The following PTPRD variants were observed in gnomAD, a reference collection of about 807,000 sequenced individuals.
PTPRD encodes the protein protein tyrosine phosphatase receptor type D.
In PTPRD, 34 loss-of-function variants were observed where a neutral mutation model predicts 214.5. The observed-to-expected ratio is 0.16, with a 90% confidence interval of 0.12 to 0.21. PTPRD has a LOEUF of 0.21. Among genes scored for constraint, PTPRD ranks in the 10% least tolerant of loss-of-function variants. The probability of loss-of-function intolerance (pLI) is 1.00; values close to 1 mark genes in which losing one functional copy is unlikely to be tolerated. For synonymous variants in PTPRD, 1,128 were observed against 845.7 expected (o/e 1.33, Z -5.79); for missense variants, 2,545 against 2,398.7 (o/e 1.06, Z -1.27).
chr9:9,502,329 G>T (rs551761641), intron 8 of PTPRD, among the ~76,000 whole-genome samples: 1 of 151,892 alleles, frequency 6.6e-6, no homozygotes, highest in African/African-American at 2.4e-5. Context: ...CTGTGATGTT[G>T]ATTGTTTTAG....
intron 9 of PTPRD, among the ~76,000 whole-genome samples, chr9:9,211,124 T>A (rs577352370): frequency 2.0e-4 from 30 of 151,878 alleles, no homozygotes; most frequent in Non-Finnish European, 4.4e-4. Flanking sequence ...CATTCTGGCA[T>A]TTTTTTCCAC....
At chr9:10,431,898 G>A (rs1233831585) in intron 2 of PTPRD, among the ~76,000 whole-genome samples, 1 of 151,942 alleles carries the variant, frequency 6.6e-6, no homozygotes, top group Non-Finnish European at 1.5e-5. Context: ...GGGATCTAGA[G>A]CTAGAAATAC....
chr9:9,752,094 A>G (rs1229126496), intron 6 of PTPRD, among the ~76,000 whole-genome samples: 1 of 152,120 alleles, frequency 6.6e-6, no homozygotes, highest in Non-Finnish European at 1.5e-5. Flanking sequence ...TAAAGGAGAT[A>G]AATTTCTTAC....
intron 2 of PTPRD, among the ~76,000 whole-genome samples, chr9:10,459,706 T>C (rs1476478093): frequency 6.6e-6 from 1 of 152,122 alleles, no homozygotes; most frequent in East Asian, 1.9e-4. Flanking sequence ...ATGTCTTCTT[T>C]TGAGAAGTGT....
At chr9:9,811,887 A>G (rs543820730) in intron 5 of PTPRD, among the ~76,000 whole-genome samples, 18 of 152,296 alleles carry the variant, frequency 1.2e-4, no homozygotes, top group African/African-American at 2.6e-4. Context: ...ATAAAATTCT[A>G]TCAAACAACA....
intron 5 of PTPRD, among the ~76,000 whole-genome samples, chr9:9,915,425 T>C (rs1031510954): frequency 1.3e-5 from 2 of 150,968 alleles, no homozygotes; most frequent in African/African-American, 4.9e-5. Context: ...GAATTCAAAA[T>C]AATAAATCTT....
intron 8 of PTPRD, among the ~76,000 whole-genome samples, chr9:9,399,797 G>C (rs985418131): frequency 6.6e-6 from 1 of 152,016 alleles, no homozygotes; most frequent in Non-Finnish European, 1.5e-5. Flanking sequence ...CCATGATTCT[G>C]AAGCCTCCCC....
intron 11 of PTPRD, among the ~76,000 whole-genome samples, chr9:9,001,943 A>G (rs2099421536): frequency 7.6e-6 from 1 of 131,694 alleles, no homozygotes; most frequent in Admixed American, 8.5e-5. Flanking sequence ...GGCTTCCAAT[A>G]TGCAATAATT....
At chr9:8,833,387 C>T (rs989855028) in intron 11 of PTPRD, among the ~76,000 whole-genome samples, 2 of 151,798 alleles carry the variant, frequency 1.3e-5, no homozygotes, top group East Asian at 1.9e-4. Context: ...AGAATAGAGT[C>T]CAGTAAGTAG....
At chr9:10,224,062 T>A (rs2099580669) in intron 3 of PTPRD, among the ~76,000 whole-genome samples, 1 of 151,892 alleles carries the variant, frequency 6.6e-6, no homozygotes, top group Non-Finnish European at 1.5e-5. Context: ...AAGTGACAAA[T>A]CTTCATATAA....
chr9:10,152,616 A>G (rs548913021), intron 3 of PTPRD, among the ~76,000 whole-genome samples: 1 of 152,272 alleles, frequency 6.6e-6, no homozygotes, highest in Non-Finnish European at 1.5e-5. Context: ...ACCTGAGGTC[A>G]GGAGTTTGAG....
chr9:9,756,060 A>AT (rs2098570481), intron 6 of PTPRD, among the ~76,000 whole-genome samples: 1 of 151,980 alleles, frequency 6.6e-6, no homozygotes, highest in Non-Finnish European at 1.5e-5. Flanking sequence ...CCCTCTCATA[A>AT]ACCTTTATAT....
At chr9:8,506,092 C>T (rs889464019) in intron 22 of PTPRD, among the ~76,000 whole-genome samples, 32 of 152,166 alleles carry the variant, frequency 2.1e-4, no homozygotes, top group Admixed American at 2.0e-3. Flanking sequence ...TCAATTCAAA[C>T]AGATGGAATA....
intron 2 of PTPRD, among the ~76,000 whole-genome samples, chr9:10,532,622 T>G (rs1166087035): frequency 6.8e-6 from 1 of 147,686 alleles, no homozygotes; most frequent in Non-Finnish European, 1.5e-5. Flanking sequence ...ATATTAGATA[T>G]TTATATATAT....
chr9:8,452,446 A>G (rs2095997378), intron 33 of PTPRD, among the ~76,000 whole-genome samples: 1 of 152,228 alleles, frequency 6.6e-6, no homozygotes, highest in Non-Finnish European at 1.5e-5. Context: ...ATATTAAAAG[A>G]CATATAATGG....
At chr9:8,952,638 G>A (rs1003786205) in intron 11 of PTPRD, among the ~76,000 whole-genome samples, 24 of 151,716 alleles carry the variant, frequency 1.6e-4, no homozygotes, top group Admixed American at 1.4e-3. Context: ...TAATTCAACA[G>A]GTTGTAGGTA....
At chr9:8,407,192 G>A (rs1427525372) in intron 35 of PTPRD, among the ~76,000 whole-genome samples, 1 of 152,126 alleles carries the variant, frequency 6.6e-6, no homozygotes, top group African/African-American at 2.4e-5. Flanking sequence ...TCAAAGTGTG[G>A]CCCATGAGAT....
intron 12 of PTPRD, among the ~76,000 whole-genome samples, chr9:8,709,428 T>A (rs2098279434): frequency 1.4e-5 from 2 of 145,188 alleles, no homozygotes; most frequent in Admixed American, 7.2e-5. Context: ...GGCAGGAGAA[T>A]GGCATGAACC....
intron 8 of PTPRD, among the ~76,000 whole-genome samples, chr9:9,549,576 C>G (rs1459075545): frequency 6.6e-6 from 1 of 152,044 alleles, no homozygotes; most frequent in African/African-American, 2.4e-5. Context: ...TCCAGCAATT[C>G]CATGCCTCGT....
Sources: allele counts gnomAD v4.1 joint callset (sites outside exome capture counted in the v4.1 genomes callset), GRCh38; gene constraint gnomAD v4.1.1; transcripts MANE v1.5; gene names NCBI Gene and HGNC (gene_info 2026-07-23, HGNC 2026-07-21).